The following FOXP1 variants were observed in gnomAD, a reference collection of about 807,000 sequenced individuals.
The protein encoded by FOXP1 is forkhead box P1, also known as forkhead box protein P1.
FOXP1 carries 15 observed loss-of-function variants against 98.2 expected under a neutral mutation model. The observed-to-expected ratio is 0.15, with a 90% CI of 0.10 to 0.24. The LOEUF (loss-of-function observed/expected upper bound fraction) is 0.24. Among genes scored for constraint, FOXP1 ranks in the 10% least tolerant of loss-of-function variants. FOXP1 has a pLI of 1.00. For missense variants in FOXP1, 633 were observed against 848.5 expected (o/e 0.75, Z 3.15); for synonymous variants, 371 against 314.5 (o/e 1.18, Z -1.90).
chr3:71,485,792 C>A (rs189091526), intron 3 of FOXP1, among the ~76,000 whole-genome samples: 105 of 150,920 alleles, frequency 7.0e-4, no homozygotes, highest in African/African-American at 2.3e-3. Flanking sequence ...AAAAAAGAAC[C>A]ACAGAAATAA....
upstream of FOXP1, chr3:71,583,951 C>A: frequency 3.0e-6 from 3 of 983,826 alleles, no homozygotes; most frequent in Non-Finnish European, 3.6e-6. Context: ...GGAGCGGCTC[C>A]CTCTTTGCCG....
chr3:71,080,883 GT>G (rs2054333727), intron 7 of FOXP1, among the ~76,000 whole-genome samples: 1 of 152,216 alleles, frequency 6.6e-6, no homozygotes, highest in Non-Finnish European at 1.5e-5. Flanking sequence ...TTAGCAAGCA[GT>G]AGTAGTTATG....
At chr3:71,521,356 G>C (rs948819622) in intron 2 of FOXP1, among the ~76,000 whole-genome samples, 1 of 152,088 alleles carries the variant, frequency 6.6e-6, no homozygotes, top group Non-Finnish European at 1.5e-5. Flanking sequence ...GTGAAACCTC[G>C]TCTCTACTAA....
chr3:71,209,183 C>T (rs2064275185), intron 5 of FOXP1, among the ~76,000 whole-genome samples: 1 of 152,172 alleles, frequency 6.6e-6, no homozygotes, highest in Non-Finnish European at 1.5e-5. Flanking sequence ...CAGTCAATAC[C>T]CTTTTATTTC....
In FOXP1 at chr3:71,331,148, G is replaced by A. The variant is rs778929033; in HGVS notation, c.-73+28002C>T. ...GAGGTGTGGAGAGAGAGGTGTGGGC[G>A]GGAACTGGGGCTGCGCAGGGTGCTT... On this transcript the variant is annotated intron_variant, in intron 4 of 20. Transcript: ENST00000649528. 2.1e-3 allele frequency among the ~76,000 whole-genome samples: 315 copies of A among 152,320 alleles called. 1 individual carries two copies. The highest frequency in any genetic ancestry group is 3.3e-3 in the Admixed American group (51 of 15,302).
intron 7 of FOXP1, among the ~76,000 whole-genome samples, chr3:71,106,375 G>A (rs1389428840): frequency 3.3e-5 from 5 of 152,024 alleles, no homozygotes; most frequent in South Asian, 4.1e-4. Flanking sequence ...TCTCGCTGTC[G>A]CCCAGGCTGG....
chr3:71,053,006 G>A (rs1559823532), intron 8 of FOXP1, among the ~76,000 whole-genome samples: 1 of 152,138 alleles, frequency 6.6e-6, no homozygotes, highest in African/African-American at 2.4e-5. Flanking sequence ...TGCATGGACA[G>A]CCTGGGAGCT....
intron 20 of FOXP1, among the ~76,000 whole-genome samples, chr3:70,961,661 C>T (rs1575668913): frequency 6.6e-6 from 1 of 151,750 alleles, no homozygotes; most frequent in African/African-American, 2.4e-5. Flanking sequence ...ATTAGTGTTT[C>T]AGCAGTAAGA....
intron 5 of FOXP1, among the ~76,000 whole-genome samples, chr3:71,257,648 C>T (rs2068749724): frequency 6.6e-6 from 1 of 151,208 alleles, no homozygotes; most frequent in African/African-American, 2.4e-5. Flanking sequence ...GAGGAAATTT[C>T]CAGGATGCAG....
chr3:71,099,320 G>A (rs1007825070), intron 7 of FOXP1, among the ~76,000 whole-genome samples: 2 of 152,104 alleles, frequency 1.3e-5, no homozygotes, highest in Non-Finnish European at 1.5e-5. Flanking sequence ...AGACCAGCCT[G>A]GCCAACATGG....
chr3:71,526,253 C>T (rs149330158), intron 2 of FOXP1, among the ~76,000 whole-genome samples: 86 of 152,278 alleles, frequency 5.6e-4, no homozygotes, highest in African/African-American at 1.9e-3. Flanking sequence ...AACTCCAGGG[C>T]CAGCCCCTTC....
At chr3:71,542,934 C>T (rs139311072) in intron 2 of FOXP1, among the ~76,000 whole-genome samples, 3 of 152,334 alleles carry the variant, frequency 2.0e-5, no homozygotes, top group East Asian at 3.9e-4. Flanking sequence ...TGCAGCTTCG[C>T]TCTCCGAGCC....
chr3:71,407,044 C>T (rs574830597), intron 3 of FOXP1, among the ~76,000 whole-genome samples: 5 of 152,022 alleles, frequency 3.3e-5, no homozygotes, highest in African/African-American at 7.3e-5. Flanking sequence ...AGAGATAACC[C>T]GGGCTGTTTC....
chr3:71,543,449 C>A (rs1269067072), intron 2 of FOXP1: 5 of 152,472 alleles, frequency 3.3e-5, no homozygotes. Context: ...GTGGCGACTC[C>A]TGCTGCACAG....
intron 6 of FOXP1, among the ~76,000 whole-genome samples, chr3:71,164,617 T>C (rs1197705673): frequency 6.6e-6 from 1 of 152,242 alleles, no homozygotes; most frequent in East Asian, 1.9e-4. Flanking sequence ...CAGAGACTAA[T>C]ACATTTTTAT....
intron 6 of FOXP1, among the ~76,000 whole-genome samples, chr3:71,139,127 A>T (rs1308109679): frequency 6.6e-6 from 1 of 152,214 alleles, no homozygotes; most frequent in Non-Finnish European, 1.5e-5. Context: ...AGATAAGTAA[A>T]TAGCTCCATT....
chr3:71,095,783 T>G (rs1451000021), intron 7 of FOXP1, among the ~76,000 whole-genome samples: 2 of 152,138 alleles, frequency 1.3e-5, no homozygotes. Context: ...ATTTCCCAAT[T>G]TGGGCTGAGC....
At chr3:70,998,038 G>A (rs1329548596) in intron 13 of FOXP1, among the ~76,000 whole-genome samples, 1 of 152,204 alleles carries the variant, frequency 6.6e-6, no homozygotes, top group Non-Finnish European at 1.5e-5. Flanking sequence ...CCCTGGCTAA[G>A]AAGAAAGAGA....
chr3:71,186,870 T>C (rs917716213), intron 6 of FOXP1, among the ~76,000 whole-genome samples: 28 of 152,374 alleles, frequency 1.8e-4, no homozygotes, highest in Non-Finnish European at 3.8e-4. Flanking sequence ...CATTCATTAA[T>C]CCAGAGATTG....
Sources: gnomAD v4.1 joint callset for allele counts (sites outside exome capture counted in the v4.1 genomes callset) on GRCh38, gnomAD v4.1.1 for gene constraint, MANE v1.5 for transcripts, NCBI Gene and HGNC (gene_info 2026-07-23, HGNC 2026-07-21) for gene names.